Variants in SENP2 observed in about 807,000 individuals in gnomAD.
SENP2 encodes sentrin-specific protease 2.
A neutral mutation model predicts 86.3 loss-of-function variants in SENP2; 16 were observed. The observed-to-expected ratio is 0.19, with a 90% CI of 0.13 to 0.28. SENP2 has a LOEUF of 0.28. Among genes scored for constraint, SENP2 ranks in the 10% least tolerant of loss-of-function variants. SENP2 has a pLI of 1.00. For missense variants in SENP2, 552 were observed against 703.0 expected, an observed-to-expected ratio of 0.79 and a Z score of 2.43; for synonymous variants, 222 against 238.7, an observed-to-expected ratio of 0.93 and a Z score of 0.64.
chr3:185,605,921 T>G lies in SENP2; in HGVS notation c.450-409T>G, dbSNP rs1407536714. On this transcript the variant is annotated intron_variant, in intron 5 of 16. Transcript: ENST00000296257. ...ATAACAGTGGTGAAAGGATGTAATC[T>G]CTTTTCATGGAATTTAAAGTTTAGT... Among the ~76,000 whole-genome samples the G allele has an allele frequency of 5.3e-5, 8 of 152,338 alleles. No homozygotes were observed. The South Asian group carries it at 1.0e-3, about 20-fold the overall frequency.
At chr3:185,619,162 C>T (rs1036080298) in intron 12 of SENP2, 137 bp from the exon 13 acceptor site, 3 of 647,550 alleles carry the variant, frequency 4.6e-6, no homozygotes, top group Non-Finnish European at 8.0e-6. Context: ...CACTTTTTTC[C>T]CTGTCTTCTA....
intron 5 of SENP2, among the ~76,000 whole-genome samples, chr3:185,603,508 G>GA (rs1469769648): frequency 6.6e-6 from 1 of 152,154 alleles, no homozygotes; most frequent in Non-Finnish European, 1.5e-5. Flanking sequence ...TGAAGGAGAT[G>GA]AAAGATACCT....
At chr3:185,627,573 C>A (rs180762593) in intron 16 of SENP2, among the ~76,000 whole-genome samples, 29 of 152,104 alleles carry the variant, frequency 1.9e-4, no homozygotes, top group African/African-American at 6.0e-4. Flanking sequence ...CCACCATGCC[C>A]AGCTAATTTT....
In SENP2 at chr3:185,614,440, C is replaced by G. The variant is rs1711525026; in HGVS notation, c.934-124C>G. On this transcript the variant is annotated intron_variant, in intron 10 of 16. Coordinates refer to ENST00000296257, the MANE Select transcript of SENP2 (RefSeq NM_021627.3). ...CAGACAGATAGGGTAAATCTACTCA[C>G]TTGGGGGATTTGCTAATTCTCTTTT... The G allele has an allele frequency of 1.0e-5, 10 of 955,942 alleles. 1 individual carries two copies. Among genetic ancestry groups the G allele is most frequent in the Non-Finnish European group, 1.5e-6 (1 of 647,874 alleles). 59.2% of individuals were successfully genotyped at this position (955,942 alleles called of 1,614,324 possible).
At position 185,614,587 on chromosome 3, in the gene SENP2, T is replaced by C. The variant is rs762354419; in HGVS notation, c.957T>C (p.Pro319=). 1 of 1,613,902 alleles carries C rather than the reference T, an allele frequency of 6.2e-7. No homozygotes were observed. The highest frequency in any genetic ancestry group is 1.1e-5 in the South Asian group (1 of 91,034). Residue 319 remains proline, a synonymous_variant, in exon 11 of 17, where the codon CCT becomes CCC. Transcript: ENST00000296257. ...AGAGGAGGGGATACCAACTGGAGCC[T>C]GACCTATCAGAAGAAGTGTCGGCCC... is the stretch of plus-strand genomic sequence containing the variant. The part of the protein sequence containing the change: ...NESRRGYQLE[P]DLSEEVSARL...
intron 1 of SENP2, among the ~76,000 whole-genome samples, chr3:185,589,584 C>G (rs1427834514): frequency 6.6e-6 from 1 of 152,232 alleles, no homozygotes; most frequent in African/African-American, 2.4e-5. Context: ...GTTTCTCTCT[C>G]AAATAGTTGA....
chr3:185,619,526 A>C (rs1301531064), intron 13 of SENP2, 24 bp downstream of exon 13: 103 of 1,602,786 alleles, frequency 6.4e-5, no homozygotes, highest in Non-Finnish European at 8.7e-5. Context: ...GTTAATGGTT[A>C]ATTGTTGGAC....
intron 5 of SENP2, among the ~76,000 whole-genome samples, chr3:185,605,490 C>T (rs1245353970): frequency 6.6e-6 from 1 of 152,022 alleles, no homozygotes; most frequent in Non-Finnish European, 1.5e-5. Context: ...TCTCTTATAG[C>T]TTTTTCTTTT....
chr3:185,596,863 A>G (rs2148982800), intron 2 of SENP2, among the ~76,000 whole-genome samples: 2 of 151,908 alleles, frequency 1.3e-5, no homozygotes, highest in Middle Eastern at 6.8e-3. Context: ...TTATTTGTTT[A>G]TTTTTTGTGA....
intron 5 of SENP2, among the ~76,000 whole-genome samples, chr3:185,604,443 T>C (rs999503119): frequency 1.3e-5 from 2 of 152,242 alleles, no homozygotes; most frequent in African/African-American, 2.4e-5. Context: ...GTCAGGTTGG[T>C]TGATAATATT....
chr3:185,610,154 C>CTTT (rs557832407), intron 7 of SENP2, among the ~76,000 whole-genome samples: 33 of 115,068 alleles, frequency 2.9e-4, no homozygotes, highest in Non-Finnish European at 4.5e-4. Context: ...TATTATCTAG[C>CTTT]TTTTTTTTTT....
intron 13 of SENP2, 46 bp from the exon 14 acceptor site, chr3:185,621,780 C>T (rs762765692): frequency 1.7e-5 from 19 of 1,144,668 alleles, no homozygotes; most frequent in Non-Finnish European, 2.2e-5. Context: ...ATTCTCACTC[C>T]TCTTACATTT....
At chr3:185,614,865 G>A (rs986549697) in intron 11 of SENP2, 125 bp downstream of exon 11, 1 of 839,218 alleles carries the variant, frequency 1.2e-6, no homozygotes, top group Non-Finnish European at 1.9e-6. Context: ...AACATGTCAG[G>A]TCCATGGTCT....
At position 185,586,579 on chromosome 3, in the gene SENP2, C is replaced by A; in HGVS notation, c.101+65C>A. 6.8e-7 allele frequency: 1 copy of A among 1,468,308 alleles called. No individual in the cohort carries two copies. The highest frequency in any genetic ancestry group is 9.4e-7 in the Non-Finnish European group (1 of 1,060,122). 91.0% of individuals were successfully genotyped at this position (1,468,308 alleles called of 1,614,324 possible). A position where few individuals can be genotyped will look rare whatever the true frequency, so the allele number is the denominator to read the frequency against. ...CCCTCCCCCACAGCGGGCTCCTCGG[C>A]CGTGATAGCTTTGATTCAGCCAGGC... On this transcript the variant is annotated intron_variant, in intron 1 of 16. Transcript: ENST00000296257. The surrounding 1 kb of genome is among the most constrained non-coding windows in gnomAD (Gnocchi z 4.3).
At chr3:185,596,256 G>A (rs1167460230) in intron 2 of SENP2, among the ~76,000 whole-genome samples, 1 of 152,072 alleles carries the variant, frequency 6.6e-6, no homozygotes, top group Non-Finnish European at 1.5e-5. Context: ...GAGCCACCGT[G>A]CCCAGCCTAA....
rs1488625581 is a variant in SENP2, at chr3:185,631,978, A to G, written c.*2134A>G. 1 of 151,690 alleles carries G rather than the reference A, an allele frequency of 6.6e-6. No individual in the cohort carries two copies. The highest frequency in any genetic ancestry group is 2.4e-5 in the African/African-American group (1 of 41,326). 9.4% of individuals were successfully genotyped at this position (151,690 alleles called of 1,614,324 possible). On this transcript the variant is annotated 3_prime_UTR_variant, in exon 17 of 17. Coordinates refer to ENST00000296257, the MANE Select transcript of SENP2 (RefSeq NM_021627.3). ...GACATAATGAAATTGGGAAGAGCAG[A>G]GTGTTGAAGTCTATAGCATGGCCTT... is the stretch of plus-strand genomic sequence containing the variant.
At chr3:185,597,396 C>T (rs962312192) in intron 2 of SENP2, among the ~76,000 whole-genome samples, 1 of 151,642 alleles carries the variant, frequency 6.6e-6, no homozygotes, top group African/African-American at 2.4e-5. Flanking sequence ...TCTGTCGCCC[C>T]GGCTGGAGTG....
At chr3:185,624,211 T>C in intron 15 of SENP2, 129 bp downstream of exon 15, 1 of 590,414 alleles carries the variant, frequency 1.7e-6, no homozygotes, top group Non-Finnish European at 2.9e-6. Context: ...TTTTTTTTCT[T>C]TCTTTCTTTT....
chr3:185,613,768 C>T (rs193187425), intron 10 of SENP2: 46 of 159,384 alleles, frequency 2.9e-4, no homozygotes, highest in African/African-American at 1.2e-3. Flanking sequence ...GTCAAGGCTG[C>T]AGTGAGCTGT....
Sources: gnomAD v4.1 joint callset for allele counts (sites outside exome capture counted in the v4.1 genomes callset) on GRCh38, gnomAD v4.1.1 for gene constraint, Gnocchi (gnomAD v3.1) non-coding constraint, MANE v1.5 for transcripts, NCBI Gene and HGNC (gene_info 2026-07-23, HGNC 2026-07-21) for gene names.